Variants in LYPD8 observed in about 807,000 individuals in gnomAD.
The protein encoded by LYPD8 is LY6/PLAUR domain containing 8.
LYPD8 carries 8 observed loss-of-function variants against 1.7 expected under a neutral mutation model. The observed-to-expected ratio is 4.58, with a 90% confidence interval of 2.69 to 8.27. The LOEUF is 8.27. LYPD8 is among the 30% of genes most tolerant of loss of function. The pLI, the probability that LYPD8 is intolerant of heterozygous loss-of-function variation, is 0.00. For missense variants in LYPD8, 112 were observed against 102.3 expected, an observed-to-expected ratio of 1.09 and a Z score of -0.41; for synonymous variants, 50 against 43.6, an observed-to-expected ratio of 1.15 and a Z score of -0.58.
intron 2 of LYPD8, among the ~76,000 whole-genome samples, chr1:248,753,316 A>AC (rs1662860566): frequency 1.1e-5 from 1 of 90,278 alleles, no homozygotes; most frequent in Non-Finnish European, 2.3e-5. Context: ...CACCCCACAC[A>AC]ACACACAACA....
Position 248,750,511 on chromosome 1 carries a change from C to T in LYPD8, c.172+13G>A. The T allele has an allele frequency of 2.5e-6, 1 of 398,660 alleles. No homozygotes were observed. Among genetic ancestry groups the T allele is most frequent in the Non-Finnish European group, 4.4e-6 (1 of 226,090 alleles). 24.7% of individuals were successfully genotyped at this position (398,660 alleles called of 1,614,324 possible). A position where few individuals can be genotyped will look rare whatever the true frequency, so the allele number is the denominator to read the frequency against. On this transcript the variant is annotated intron_variant, in intron 4 of 6. Coordinates refer to ENST00000590317, the MANE Select transcript of LYPD8 (RefSeq NM_001085474.2). ...GCCCCAGAGGCAGGAAGGACACACA[C>T]ACCCAGGCTCACCTAGAGAGGAGCT...
chr1:248,744,037 G>A (rs1662675831), intron 6 of LYPD8, among the ~76,000 whole-genome samples: 1 of 152,178 alleles, frequency 6.6e-6, no homozygotes, highest in Admixed American at 6.5e-5. Context: ...TATACTGATA[G>A]ATGGAGTCCA....
chr1:248,753,294 A>G (rs1202435237), intron 2 of LYPD8, among the ~76,000 whole-genome samples: 1 of 111,496 alleles, frequency 9.0e-6, no homozygotes, highest in Non-Finnish European at 1.8e-5. Flanking sequence ...CACACACACC[A>G]CACACACCAC....
intron 6 of LYPD8, among the ~76,000 whole-genome samples, chr1:248,742,981 G>A (rs1662642083): frequency 1.6e-5 from 2 of 124,038 alleles, no homozygotes; most frequent in Non-Finnish European, 3.3e-5. Flanking sequence ...TGGGGATGTT[G>A]GCAGCCGGGG....
intron 6 of LYPD8, among the ~76,000 whole-genome samples, chr1:248,740,116 G>T (rs1358048695): frequency 6.6e-6 from 1 of 152,222 alleles, no homozygotes; most frequent in Non-Finnish European, 1.5e-5. Context: ...TGAGTGGCAA[G>T]CCCAGGCTAA....
chr1:248,741,728 C>G (rs1662604056), intron 6 of LYPD8, among the ~76,000 whole-genome samples: 2 of 152,180 alleles, frequency 1.3e-5, no homozygotes, highest in Admixed American at 1.3e-4. Flanking sequence ...AAAAATCTTT[C>G]TGATGTCATG....
chr1:248,739,552 G>T lies in LYPD8; in HGVS notation c.*59C>A. The T allele has an allele frequency of 1.9e-6, 3 of 1,547,354 alleles. No homozygotes were observed. Among genetic ancestry groups the T allele is most frequent in the South Asian group, 1.2e-5 (1 of 83,768 alleles). On this transcript the variant is annotated 3_prime_UTR_variant, in exon 7 of 7. Transcript: ENST00000590317. The surrounding 1 kb of genome is among the most constrained non-coding windows in gnomAD (Gnocchi z 4.3). ...AAAGAGGGTGTCAGCACCGCAGGGG[G>T]TGCTCTGGACCTCAGAGAAGCAGAA...
chr1:248,750,167 G>A (rs1328670187), intron 4 of LYPD8, among the ~76,000 whole-genome samples: 2 of 152,202 alleles, frequency 1.3e-5, no homozygotes, highest in African/African-American at 2.4e-5. Context: ...TGATCCAGAA[G>A]AGGAGGAACC....
intron 6 of LYPD8, among the ~76,000 whole-genome samples, chr1:248,744,414 C>A (rs944163748): frequency 1.3e-5 from 2 of 152,254 alleles, no homozygotes; most frequent in African/African-American, 4.8e-5. Context: ...CAGCAATTAA[C>A]TTACCTTAAC....
At chr1:248,754,954 T>A (rs1662898774) in intron 2 of LYPD8, among the ~76,000 whole-genome samples, 1 of 151,592 alleles carries the variant, frequency 6.6e-6, no homozygotes, top group African/African-American at 2.4e-5. Flanking sequence ...TCTCAGGTCT[T>A]ACAGTGTGAT....
chr1:248,752,606 CCCACACACATCACACACACACA>C (rs1662818904), intron 2 of LYPD8, among the ~76,000 whole-genome samples: 2 of 122,968 alleles, frequency 1.6e-5, no homozygotes, highest in East Asian at 5.0e-4. Context: ...CCCCACACAC[CCCACACACATCACACACACACA>C]CCACACACCC....
chr1:248,752,841 A>C (rs1485336476), intron 2 of LYPD8, among the ~76,000 whole-genome samples: 8 of 83,164 alleles, frequency 9.6e-5, no homozygotes, highest in Admixed American at 2.3e-4. Flanking sequence ...ACCACACCCC[A>C]CACACACACA....
At chr1:248,749,880 T>G (rs1662767974) in intron 4 of LYPD8, among the ~76,000 whole-genome samples, 1 of 152,016 alleles carries the variant, frequency 6.6e-6, no homozygotes, top group African/African-American at 2.4e-5. Flanking sequence ...TGTATATTTA[T>G]ATAATGTTTA....
Position 248,750,586 on chromosome 1 carries a change from G to A in LYPD8, c.110C>T (p.Ala37Val). The A allele has an allele frequency of 7.5e-6, 3 of 398,642 alleles. No homozygotes were observed. Among genetic ancestry groups the A allele is most frequent in the East Asian group, 7.1e-5 (2 of 28,090 alleles). 24.7% of individuals were successfully genotyped at this position (398,642 alleles called of 1,614,324 possible). The change falls in exon 4 of 7, where the codon GCC becomes GTC. Residue 37 changes from alanine (A) to valine (V), a missense_variant. Coordinates refer to ENST00000590317, the MANE Select transcript of LYPD8 (RefSeq NM_001085474.2). ...GTTGGCATGTGAGGGACATTCAGAG[G>A]CAATGCTGTTGACACAGGATTTTTC... ...SWEKSCVNSIASECPSHANTS... is the reference protein window; with the variant it reads ...SWEKSCVNSIVSECPSHANTS...
chr1:248,750,654 A>C lies in LYPD8; in HGVS notation c.53-11T>G, dbSNP rs1174325376. 18 of 398,464 alleles carry C rather than the reference A, an allele frequency of 4.5e-5. No homozygotes were observed. The highest frequency in any genetic ancestry group is 4.0e-5 in the Non-Finnish European group (9 of 226,064). 24.7% of individuals were successfully genotyped at this position (398,464 alleles called of 1,614,324 possible). ...CGCAGCTCAGAGATTCTGAGGAGAC[A>C]AGACATCCAACACCAGTCAACATTC... On this transcript the variant is annotated splice_polypyrimidine_tract_variant and intron_variant, in intron 3 of 6. Coordinates refer to ENST00000590317, the MANE Select transcript of LYPD8 (RefSeq NM_001085474.2).
Position 248,739,547 on chromosome 1 carries a change from AG to A in LYPD8, c.*63del. 6.5e-7 allele frequency: 1 copy of A among 1,545,348 alleles called. No individual in the cohort carries two copies. The highest frequency in any genetic ancestry group is 8.7e-7 in the Non-Finnish European group (1 of 1,144,198). The stretch of plus-strand genomic sequence containing the variant: ...CAGGGAAAGAGGGTGTCAGCACCGC[AG>A]GGGGTGCTCTGGACCTCAGAGAAGC... On this transcript the variant is annotated 3_prime_UTR_variant, in exon 7 of 7. Transcript: ENST00000590317. This position sits in a 1 kb window ranked among gnomAD's most constrained non-coding sequence, Gnocchi z 4.3.
chr1:248,739,619 G>C lies in LYPD8; in HGVS notation c.706C>G (p.Leu236Val), dbSNP rs1662546930. Residue 236 changes from leucine (L) to valine (V), a missense_variant, in exon 7 of 7, where the codon CTG (leucine) becomes GTG (valine). Transcript: ENST00000590317. The surrounding 1 kb of genome is among the most constrained non-coding windows in gnomAD (Gnocchi z 4.3). ...AGTGCAGCCCCAGGACCTCAGGGCAGCAGTCCCCGAAGAAGGAGGCTGGCA... is the reference window on the plus strand; with the variant it reads ...AGTGCAGCCCCAGGACCTCAGGGCACCAGTCCCCGAAGAAGGAGGCTGGCA... Reference protein sequence around the residue: ...ALASLLLRGLLP With the variant: ...ALASLLLRGLVP The C allele has an allele frequency of 6.4e-7, 1 of 1,551,500 alleles. No individual in the cohort carries two copies.
At chr1:248,743,307 A>G (rs1224126506) in intron 6 of LYPD8, among the ~76,000 whole-genome samples, 4 of 152,154 alleles carry the variant, frequency 2.6e-5, no homozygotes, top group African/African-American at 9.7e-5. Flanking sequence ...TGTACTACAA[A>G]TACAAAAAGT....
At chr1:248,753,505 CAA>C (rs1572156850) in intron 2 of LYPD8, among the ~76,000 whole-genome samples, 1,877 of 123,876 alleles carry the variant, frequency 0.015, 77 homozygotes, top group East Asian at 0.04. Flanking sequence ...ACACACAACA[CAA>C]CACACACATC....
Sources: gnomAD v4.1 joint callset for allele counts (sites outside exome capture counted in the v4.1 genomes callset) on GRCh38, gnomAD v4.1.1 for gene constraint, Gnocchi (gnomAD v3.1) non-coding constraint, MANE v1.5 for transcripts, NCBI Gene and HGNC (gene_info 2026-07-23, HGNC 2026-07-21) for gene names.